Variants in RBPJ observed in about 807,000 individuals in gnomAD.
RBPJ encodes the protein recombination signal binding protein for immunoglobulin kappa J region.
In RBPJ, 9 loss-of-function variants were observed where a neutral mutation model predicts 67.8. That is an observed-to-expected ratio of 0.13 (90% CI 0.08 to 0.23). RBPJ has a LOEUF of 0.23. Ranked by LOEUF, RBPJ falls within the 10% of genes least tolerant of loss-of-function variation. The pLI, the probability that RBPJ is intolerant of heterozygous loss-of-function variation, is 1.00. For missense variants in RBPJ, 305 were observed against 595.6 expected, an observed-to-expected ratio of 0.51 and a Z score of 5.08; for synonymous variants, 198 against 203.3, an observed-to-expected ratio of 0.97 and a Z score of 0.22.
At chr4:26,305,544 A>T (rs1722204790) in intron 1 of RBPJ, among the ~76,000 whole-genome samples, 1 of 152,128 alleles carries the variant, frequency 6.6e-6, no homozygotes, top group South Asian at 2.1e-4. Flanking sequence ...ACTTCTTTTT[A>T]AAAATTTATA....
chr4:26,342,548 G>T (rs888393655), intron 1 of RBPJ, among the ~76,000 whole-genome samples: 5 of 152,116 alleles, frequency 3.3e-5, no homozygotes, highest in Non-Finnish European at 4.4e-5. Context: ...CCCATGCGTG[G>T]TTAACTTAGT....
intron 1 of RBPJ, among the ~76,000 whole-genome samples, chr4:26,279,326 G>A (rs1460160893): frequency 3.3e-5 from 5 of 152,092 alleles, no homozygotes; most frequent in East Asian, 1.9e-4. Context: ...CTGTCACCAC[G>A]CTGGAGTGCA....
intron 1 of RBPJ, among the ~76,000 whole-genome samples, chr4:26,292,411 T>A (rs896742405): frequency 6.6e-6 from 1 of 150,380 alleles, no homozygotes; most frequent in Non-Finnish European, 1.5e-5. Flanking sequence ...ACTTTTTTTT[T>A]ATGACTGAAT....
rs1347873276 is a variant in RBPJ, at chr4:26,264,743, C to T, written c.-166-97703C>T. 2.0e-5 allele frequency among the ~76,000 whole-genome samples: 3 copies of T among 152,142 alleles called. No homozygotes were observed. On this transcript the variant is annotated intron_variant, in intron 1 of 4. Coordinates refer to the RBPJ transcript ENST00000512351. The surrounding 1 kb of genome is among the most constrained non-coding windows in gnomAD (Gnocchi z 4.1). Reference sequence around the variant, plus strand: ...TCAGCTTAGTTGTCACTTTCTTGGCCCCTCAAGATGACGTTGGTGCCCCTG... The same window carrying T: ...TCAGCTTAGTTGTCACTTTCTTGGCTCCTCAAGATGACGTTGGTGCCCCTG...
At chr4:26,121,260 A>G in the RBPJ span, among the ~76,000 whole-genome samples, 6 of 152,102 alleles carry the variant, frequency 3.9e-5, no homozygotes, top group Non-Finnish European at 7.4e-5. Flanking sequence ...TCACCTCTGA[A>G]TCTTACTTTG....
chr4:26,203,649 A>T (rs1420013467), intron 1 of RBPJ, among the ~76,000 whole-genome samples: 1 of 152,206 alleles, frequency 6.6e-6, no homozygotes, highest in Non-Finnish European at 1.5e-5. Context: ...ATGATTGGCC[A>T]CTGCTGCTAC....
intron 1 of RBPJ, among the ~76,000 whole-genome samples, chr4:26,306,855 G>A (rs1320922397): frequency 2.6e-5 from 4 of 151,914 alleles, no homozygotes; most frequent in African/African-American, 9.7e-5. Context: ...TTACTTGTTT[G>A]TAGGATTTTT....
At chr4:26,221,373 A>G (rs1361317031) in intron 1 of RBPJ, among the ~76,000 whole-genome samples, 2 of 152,166 alleles carry the variant, frequency 1.3e-5, no homozygotes, top group African/African-American at 2.4e-5. Context: ...TACAGGCAGG[A>G]GCCACCGTGC....
intron 1 of RBPJ, chr4:26,362,549 G>A (rs1250966149): frequency 1.2e-6 from 2 of 1,607,936 alleles, no homozygotes; most frequent in East Asian, 2.2e-5. Context: ...ACTGGCTGAG[G>A]TGTTTTGAGG....
chr4:26,426,101 T>C (rs1479469429), intron 7 of RBPJ, among the ~76,000 whole-genome samples: 3 of 152,194 alleles, frequency 2.0e-5, no homozygotes, highest in African/African-American at 7.2e-5. Flanking sequence ...AGGGTAACGT[T>C]AGGGAATGAA....
chr4:26,245,897 C>G (rs1390679042), intron 1 of RBPJ, among the ~76,000 whole-genome samples: 2 of 152,184 alleles, frequency 1.3e-5, no homozygotes, highest in Non-Finnish European at 2.9e-5. Context: ...TATTTCTGGA[C>G]TCTAAATTCA....
intron 1 of RBPJ, among the ~76,000 whole-genome samples, chr4:26,201,271 AC>A: frequency 6.6e-6 from 1 of 152,140 alleles, no homozygotes; most frequent in Non-Finnish European, 1.5e-5. Context: ...GTGGTCCCAA[AC>A]TTGTGGTATA....
intron 1 of RBPJ, among the ~76,000 whole-genome samples, chr4:26,383,139 T>C (rs1259259075): frequency 2.0e-5 from 3 of 152,330 alleles, no homozygotes; most frequent in Admixed American, 1.3e-4. Flanking sequence ...CAGGCAAATA[T>C]ATTGAGCTCT....
chr4:26,207,320 C>T (rs764046673), intron 1 of RBPJ, among the ~76,000 whole-genome samples: 1 of 149,654 alleles, frequency 6.7e-6, no homozygotes, highest in Non-Finnish European at 1.5e-5. Flanking sequence ...TCAAGTTGGA[C>T]AGTGTCTTTT....
the RBPJ span, among the ~76,000 whole-genome samples, chr4:26,124,327 C>A: frequency 6.7e-6 from 1 of 149,226 alleles, no homozygotes; most frequent in African/African-American, 2.5e-5. Context: ...TCCTGAGTTA[C>A]TTCACTTAGA....
At position 26,215,276 on chromosome 4, in the gene RBPJ, AAG is replaced by A. The variant is rs762380146; in HGVS notation, c.-167+51670_-167+51671del. Among the ~76,000 whole-genome samples, 387 of 63,248 alleles carry A rather than the reference AAG, an allele frequency of 6.1e-3. 90 individuals carry two copies. In the Middle Eastern group the frequency reaches 0.067, roughly 11 times the overall value. The allele number at this position is 63,248 out of a possible 152,430, so 41.5% of individuals were successfully genotyped here. On this transcript the variant is annotated intron_variant, in intron 1 of 4. Coordinates refer to the RBPJ transcript ENST00000512351. The stretch of plus-strand genomic sequence containing the variant: ...GAAAGAAAGGAAGGGAGGGAGGAAA[AAG>A]AGAGAGAAAGAAAGAGAAAAAGAGA...
intron 1 of RBPJ, among the ~76,000 whole-genome samples, chr4:26,354,077 C>T (rs1441787523): frequency 2.6e-5 from 4 of 151,680 alleles, no homozygotes; most frequent in Non-Finnish European, 4.4e-5. Flanking sequence ...ACTACAGGCG[C>T]GTGCCACCAT....
intron 1 of RBPJ, among the ~76,000 whole-genome samples, chr4:26,166,504 C>T (rs1243584226): frequency 1.3e-5 from 2 of 149,472 alleles, no homozygotes; most frequent in African/African-American, 2.5e-5. Context: ...TTTTTGGCTG[C>T]ATAAATGTCT....
At chr4:26,279,642 A>C (rs933775566) in intron 1 of RBPJ, among the ~76,000 whole-genome samples, 7 of 152,272 alleles carry the variant, frequency 4.6e-5, no homozygotes, top group Middle Eastern at 3.4e-3. Context: ...ATGTAGGATG[A>C]TTCTAAGACC....
Sources: allele counts gnomAD v4.1 joint callset (sites outside exome capture counted in the v4.1 genomes callset), GRCh38; gene constraint gnomAD v4.1.1; non-coding constraint Gnocchi (gnomAD v3.1); transcripts MANE v1.5; gene names NCBI Gene and HGNC (gene_info 2026-07-23, HGNC 2026-07-21).